The following ZNF317 variants were observed in gnomAD, a reference collection of about 807,000 sequenced individuals.
ZNF317 encodes the protein zinc finger protein 317.
Under a neutral mutation model 23.4 loss-of-function variants are expected in ZNF317, and 17 were observed. The ratio of observed to expected loss-of-function variants is 0.73; its 90% CI spans 0.50 to 1.09. ZNF317 has a LOEUF of 1.09. ZNF317 is among the 50% of genes least tolerant of loss of function. The pLI, the probability that ZNF317 is intolerant of heterozygous loss-of-function variation, is 0.00. For synonymous variants in ZNF317, 317 were observed against 314.9 expected, an observed-to-expected ratio of 1.01 and a Z score of -0.07; for missense variants, 679 against 796.7, an observed-to-expected ratio of 0.85 and a Z score of 1.78.
chr19:9,157,560 A>G (rs2050797625), intron 4 of ZNF317, 166 bp downstream of exon 4: 2 of 841,762 alleles, frequency 2.4e-6, no homozygotes, highest in South Asian at 1.9e-5. Context: ...AGGCCCATCT[A>G]TTGCAGGGAC....
intron 1 of ZNF317, among the ~76,000 whole-genome samples, chr19:9,144,168 A>G (rs1042291703): frequency 1.3e-5 from 2 of 151,870 alleles, no homozygotes; most frequent in Non-Finnish European, 2.9e-5. Context: ...ACACCCAGCT[A>G]ATTTTTTTAT....
In ZNF317 at chr19:9,161,505, G is replaced by C. The variant is rs1178410266; in HGVS notation, c.*72G>C. On this transcript the variant is annotated 3_prime_UTR_variant, in exon 7 of 7. Transcript: ENST00000247956. This position sits in a 1 kb window ranked among gnomAD's most constrained non-coding sequence, Gnocchi z 4.0. Reference sequence around the variant, plus strand: ...CTCGTGGGTGTAAGAGGAAGCCTCTGTGAGCTCGCACCTTACTGGGTGCAA... The same window carrying C: ...CTCGTGGGTGTAAGAGGAAGCCTCTCTGAGCTCGCACCTTACTGGGTGCAA... 5.2e-6 allele frequency: 8 copies of C among 1,532,748 alleles called. No individual in the cohort carries two copies. The East Asian group carries it at 9.1e-5, about 17-fold the overall frequency. 94.9% of individuals were successfully genotyped at this position (1,532,748 alleles called of 1,614,324 possible).
At chr19:9,146,222 CTAGG>C (rs898365775) in intron 1 of ZNF317, among the ~76,000 whole-genome samples, 8 of 151,712 alleles carry the variant, frequency 5.3e-5, no homozygotes, top group African/African-American at 1.9e-4. Flanking sequence ...ATTGGGGCAC[CTAGG>C]TTGCTTGTTG....
At position 9,160,021 on chromosome 19, in the gene ZNF317, C is replaced by G; in HGVS notation, c.469-93C>G. 6.5e-7 allele frequency: 1 copy of G among 1,545,802 alleles called. No individual in the cohort carries two copies. The highest frequency in any genetic ancestry group is 8.8e-7 in the Non-Finnish European group (1 of 1,136,614). On this transcript the variant is annotated intron_variant, in intron 6 of 6. Transcript: ENST00000247956. This position sits in a 1 kb window ranked among gnomAD's most constrained non-coding sequence, Gnocchi z 6.8. Reference sequence around the variant, plus strand: ...CAGCTCTAGTCATAGTAATGTGCTTCTATCTGTTCATAGCAGTGTATGTGG... The same window carrying G: ...CAGCTCTAGTCATAGTAATGTGCTTGTATCTGTTCATAGCAGTGTATGTGG...
Position 9,156,018 on chromosome 19 carries a change from TG to T in ZNF317, c.4del (p.Ala2?). The stretch of plus-strand genomic sequence containing the variant: ...CAAACTGACTGCCATTCTCTGAGGA[TG>T]GCAGCTCTGTCCCCCACATTTGGTA... MAALSPTFATS... is the reference protein window; with the variant it reads XAALSPTFATS... On this transcript the variant is annotated frameshift_variant and start_lost, in exon 2 of 7. Coordinates refer to ENST00000247956, the MANE Select transcript of ZNF317 (RefSeq NM_020933.5). LOFTEE classifies it high-confidence loss of function. 4 of 1,614,182 alleles carry T rather than the reference TG, an allele frequency of 2.5e-6. No homozygotes were observed. The highest frequency in any genetic ancestry group is 2.5e-6 in the Non-Finnish European group (3 of 1,180,036).
chr19:9,148,337 A>G (rs1171213537), intron 1 of ZNF317, among the ~76,000 whole-genome samples: 2 of 152,202 alleles, frequency 1.3e-5, no homozygotes, highest in Non-Finnish European at 2.9e-5. Flanking sequence ...TCGTTGCAAA[A>G]CATCGACAAG....
intron 1 of ZNF317, among the ~76,000 whole-genome samples, chr19:9,146,466 AC>A (rs1301734516): frequency 1.4e-5 from 2 of 143,926 alleles, no homozygotes; most frequent in Middle Eastern, 3.6e-3. Context: ...CATTTCTGTC[AC>A]CCAGGCTGGA....
At chr19:9,158,382 T>TTTTTTTTTTTTTTTTTTTTTTTTTTG (rs2050810892) in intron 5 of ZNF317, among the ~76,000 whole-genome samples, 1 of 132,628 alleles carries the variant, frequency 7.5e-6, no homozygotes, top group Non-Finnish European at 1.6e-5. Context: ...TTTTTTTTTT[T>TTTTTTTTTTTTTTTTTTTTTTTTTTG]TTTTTTTTTG....
In ZNF317 at chr19:9,148,957, A is replaced by G. The variant is rs377481313; in HGVS notation, c.-92-6968A>G. Among the ~76,000 whole-genome samples the G allele has an allele frequency of 2.3e-4, 35 of 152,282 alleles. No individual in the cohort carries two copies. In the East Asian group the frequency reaches 5.0e-3, roughly 22 times the overall value. ...TTGTCCAGCTTCCTGCTCATCATCT[A>G]TGACCAACATGGCCAAGGGTATCAG... is the stretch of plus-strand genomic sequence containing the variant. On this transcript the variant is annotated intron_variant, in intron 1 of 6. Coordinates refer to ENST00000247956, the MANE Select transcript of ZNF317 (RefSeq NM_020933.5).
chr19:9,159,801 C>T (rs1255315139), intron 6 of ZNF317, among the ~76,000 whole-genome samples: 3 of 151,396 alleles, frequency 2.0e-5, no homozygotes, highest in Admixed American at 6.6e-5. Flanking sequence ...CCCGCCTTGG[C>T]CTTCCAGAGT....
At position 9,160,029 on chromosome 19, in the gene ZNF317, T is replaced by C; in HGVS notation, c.469-85T>C. 1 of 1,569,378 alleles carries C rather than the reference T, an allele frequency of 6.4e-7. No homozygotes were observed. The highest frequency in any genetic ancestry group is 1.2e-5 in the South Asian group (1 of 83,972). On this transcript the variant is annotated intron_variant, in intron 6 of 6. Coordinates refer to ENST00000247956, the MANE Select transcript of ZNF317 (RefSeq NM_020933.5). This position sits in a 1 kb window ranked among gnomAD's most constrained non-coding sequence, Gnocchi z 6.8. ...GTCATAGTAATGTGCTTCTATCTGT[T>C]CATAGCAGTGTATGTGGGGATGACG...
chr19:9,140,421 T>C lies in ZNF317; in HGVS notation c.-264T>C, dbSNP rs761728013. The stretch of plus-strand genomic sequence containing the variant: ...CAGTGAAGCGGAAGCCATTACTCTC[T>C]GGAGTCGATTGCCCCGAGACACATG... On this transcript the variant is annotated 5_prime_UTR_variant, in exon 1 of 7. Coordinates refer to ENST00000247956, the MANE Select transcript of ZNF317 (RefSeq NM_020933.5). The C allele has an allele frequency of 1.6e-5, 7 of 437,854 alleles. No homozygotes were observed. Among genetic ancestry groups the C allele is most frequent in the African/African-American group, 1.4e-4 (7 of 48,812 alleles). 27.1% of individuals were successfully genotyped at this position (437,854 alleles called of 1,614,324 possible). A position where few individuals can be genotyped will look rare whatever the true frequency, so the allele number is the denominator to read the frequency against.
intron 1 of ZNF317, among the ~76,000 whole-genome samples, chr19:9,142,398 G>A (rs1044004714): frequency 1.3e-5 from 2 of 152,152 alleles, no homozygotes; most frequent in African/African-American, 4.8e-5. Context: ...CTCTAGGCAA[G>A]CCTGTTTGTT....
intron 5 of ZNF317, among the ~76,000 whole-genome samples, chr19:9,158,590 C>T (rs1600230234): frequency 6.6e-6 from 1 of 151,850 alleles, no homozygotes; most frequent in Non-Finnish European, 1.5e-5. Context: ...CCACCCACCT[C>T]GGCCTCCCAG....
rs1600230411 is a variant in ZNF317, at chr19:9,158,899, T to C, written c.459T>C (p.Gly153=). 2.5e-6 allele frequency: 4 copies of C among 1,609,394 alleles called. No homozygotes were observed. Among genetic ancestry groups the C allele is most frequent in the South Asian group, 1.1e-5 (1 of 90,974 alleles). Residue 153 remains glycine, a synonymous_variant, in exon 6 of 7, where the codon GGT becomes GGC. Coordinates refer to ENST00000247956, the MANE Select transcript of ZNF317 (RefSeq NM_020933.5). ...EDIFGKETPS[G]VTMERAGLGE... ...TTTTTGGGAAGGAAACGCCCAGTGG[T>C]GTGACGATGGTAAGATTTCCGTGGG...
At chr19:9,140,991 T>A (rs111991439) in intron 1 of ZNF317, among the ~76,000 whole-genome samples, 1 of 152,270 alleles carries the variant, frequency 6.6e-6, no homozygotes, top group African/African-American at 2.4e-5. Flanking sequence ...CACATTGGTG[T>A]TCTTATTAGC....
chr19:9,156,572 G>C (rs748351111), intron 2 of ZNF317, 40 bp from the exon 3 acceptor site: 15 of 1,601,190 alleles, frequency 9.4e-6, no homozygotes, highest in Non-Finnish European at 1.3e-5. Context: ...TATGAGACAG[G>C]GCAGGCTCTG....
Position 9,161,118 on chromosome 19 carries a change from G to A in ZNF317, c.1473G>A (p.Arg491=), listed in dbSNP as rs2050850245. 1.2e-6 allele frequency: 2 copies of A among 1,614,082 alleles called. No homozygotes were observed. The highest frequency in any genetic ancestry group is 2.2e-5 in the South Asian group (2 of 91,086). The change falls in exon 7 of 7, where the codon AGG becomes AGA. Residue 491 remains arginine, a synonymous_variant. Transcript: ENST00000247956. The surrounding 1 kb of genome is among the most constrained non-coding windows in gnomAD (Gnocchi z 4.0). ...KVFGDYLSRR[R]HMSVHLVKKR... is the part of the protein sequence containing the mutation. ...TCGGTGACTATTTATCCCGGCGGAG[G>A]CACATGAGCGTTCACCTTGTAAAGA...
intron 1 of ZNF317, among the ~76,000 whole-genome samples, chr19:9,146,489 A>T (rs1021448964): frequency 1.4e-5 from 2 of 148,068 alleles, no homozygotes; most frequent in Admixed American, 1.4e-4. Flanking sequence ...GTGCAGTGGC[A>T]TGATCTTGGC....
Sources: allele counts gnomAD v4.1 joint callset (sites outside exome capture counted in the v4.1 genomes callset), GRCh38; gene constraint gnomAD v4.1.1; non-coding constraint Gnocchi (gnomAD v3.1); transcripts MANE v1.5; gene names NCBI Gene and HGNC (gene_info 2026-07-23, HGNC 2026-07-21).